The following DNAJC5B variants were observed in gnomAD, a reference collection of about 807,000 sequenced individuals.
DNAJC5B encodes DnaJ heat shock protein family (Hsp40) member C5 beta.
In DNAJC5B, 23 loss-of-function variants were observed where a neutral mutation model predicts 24.7. The ratio of observed to expected loss-of-function variants is 0.93; its 90% CI spans 0.67 to 1.32. DNAJC5B has a LOEUF of 1.32. DNAJC5B is among the 40% of genes most tolerant of loss of function. DNAJC5B has a pLI of 0.00. For synonymous variants in DNAJC5B, 101 were observed against 90.1 expected, an observed-to-expected ratio of 1.12 and a Z score of -0.68; for missense variants, 238 against 240.8, an observed-to-expected ratio of 0.99 and a Z score of 0.08.
At chr8:66,041,318 A>G (rs570679827) in intron 1 of DNAJC5B, among the ~76,000 whole-genome samples, 1 of 152,364 alleles carries the variant, frequency 6.6e-6, no homozygotes, top group South Asian at 2.1e-4. Context: ...TTTAAAAGAA[A>G]GACTATGTAA....
intron 2 of DNAJC5B, among the ~76,000 whole-genome samples, chr8:66,048,196 A>C (rs1806765332): frequency 6.6e-6 from 1 of 152,094 alleles, no homozygotes; most frequent in African/African-American, 2.4e-5. Context: ...CTACACTGTG[A>C]TTCTGGAGCT....
chr8:66,033,763 C>G (rs930647787), intron 1 of DNAJC5B, among the ~76,000 whole-genome samples: 2 of 139,258 alleles, frequency 1.4e-5, no homozygotes, highest in African/African-American at 5.4e-5. Context: ...CTTTCAAGAT[C>G]ATTCCGCTTT....
At chr8:66,095,103 A>T (rs1018555229) in intron 5 of DNAJC5B, among the ~76,000 whole-genome samples, 1 of 152,116 alleles carries the variant, frequency 6.6e-6, no homozygotes, top group African/African-American at 2.4e-5. Context: ...TATCAAGATT[A>T]TGCCTCATGA....
At chr8:66,031,574 G>A (rs58772235) in intron 1 of DNAJC5B, among the ~76,000 whole-genome samples, 8,937 of 152,272 alleles carry the variant, frequency 0.059, 895 homozygotes, top group African/African-American at 0.2. Flanking sequence ...AAAATAAGGA[G>A]TTGGCCCATG....
At chr8:66,069,784 G>A (rs778790337) in intron 3 of DNAJC5B, among the ~76,000 whole-genome samples, 2 of 152,186 alleles carry the variant, frequency 1.3e-5, no homozygotes, top group East Asian at 1.9e-4. Context: ...CAATATCCCC[G>A]ATGAACATGG....
At chr8:66,052,081 A>G (rs1352816963) in intron 3 of DNAJC5B, among the ~76,000 whole-genome samples, 1 of 151,424 alleles carries the variant, frequency 6.6e-6, no homozygotes, top group Non-Finnish European at 1.5e-5. Flanking sequence ...TCTCTGCCTC[A>G]GCCTCCTGAG....
At position 66,075,219 on chromosome 8, in the gene DNAJC5B, A is replaced by G. The variant is rs118076498; in HGVS notation, c.120-1441A>G. Among the ~76,000 whole-genome samples, 1,328 of 152,230 alleles carry G rather than the reference A, an allele frequency of 8.7e-3. 11 individuals carry two copies. The highest frequency in any genetic ancestry group is 0.013 in the Non-Finnish European group (858 of 67,998). ...GTAGATGGGATTACAGGTATGTGCC[A>G]CCACACCTGGCTAATTAGTAGAGAT... is the stretch of plus-strand genomic sequence containing the variant. On this transcript the variant is annotated intron_variant, in intron 3 of 5. Coordinates refer to ENST00000276570, the MANE Select transcript of DNAJC5B (RefSeq NM_033105.6).
At chr8:66,067,406 G>A (rs909857261) in intron 3 of DNAJC5B, among the ~76,000 whole-genome samples, 14 of 152,154 alleles carry the variant, frequency 9.2e-5, no homozygotes, top group African/African-American at 3.4e-4. Flanking sequence ...CTGTAATCCA[G>A]GAGAAAGGGT....
intron 3 of DNAJC5B, among the ~76,000 whole-genome samples, chr8:66,064,792 G>A (rs114461274): frequency 0.043 from 6,514 of 152,184 alleles, 462 homozygotes; most frequent in African/African-American, 0.15. Context: ...CAGAAGTTCA[G>A]GTCCTCATCC....
intron 3 of DNAJC5B, among the ~76,000 whole-genome samples, chr8:66,059,518 A>G (rs1357606797): frequency 6.6e-6 from 1 of 152,156 alleles, no homozygotes; most frequent in Non-Finnish European, 1.5e-5. Flanking sequence ...GGACAGTGGG[A>G]TGATTGAACA....
At chr8:66,067,366 G>T (rs1307222748) in intron 3 of DNAJC5B, among the ~76,000 whole-genome samples, 1 of 152,084 alleles carries the variant, frequency 6.6e-6, no homozygotes, top group Non-Finnish European at 1.5e-5. Flanking sequence ...AAGGATGAAG[G>T]TCCTGCAATT....
intron 2 of DNAJC5B, among the ~76,000 whole-genome samples, chr8:66,046,932 G>A (rs1178105993): frequency 6.6e-6 from 1 of 152,242 alleles, no homozygotes; most frequent in Non-Finnish European, 1.5e-5. Context: ...AGCTATCCTT[G>A]GATGAAGACC....
rs377223585 is a variant in DNAJC5B at position 66,043,104 on chromosome 8, G to T, written c.-141-384G>T. ...ACCTCAGTCAGTACTGTGACTCAAT[G>T]CCTCTTAACTAGGCGAGGGTTAAAT... On this transcript the variant is annotated intron_variant, in intron 1 of 5. Coordinates refer to ENST00000276570, the MANE Select transcript of DNAJC5B (RefSeq NM_033105.6). Among the ~76,000 whole-genome samples the T allele has an allele frequency of 8.5e-5, 13 of 152,306 alleles. No individual in the cohort carries two copies. In the South Asian group the frequency reaches 2.7e-3, roughly 32 times the overall value.
intron 3 of DNAJC5B, among the ~76,000 whole-genome samples, chr8:66,066,405 G>A (rs529498690): frequency 6.2e-4 from 95 of 152,252 alleles, no homozygotes; most frequent in South Asian, 2.5e-3. Context: ...AAAGAACACA[G>A]TATATCAAAA....
chr8:66,038,838 T>C (rs1234279407), intron 1 of DNAJC5B, among the ~76,000 whole-genome samples: 1 of 152,192 alleles, frequency 6.6e-6, no homozygotes, highest in African/African-American at 2.4e-5. Context: ...TTGCTTACTG[T>C]AAGTAAGCAA....
intron 5 of DNAJC5B, among the ~76,000 whole-genome samples, chr8:66,097,550 A>G (rs1270021939): frequency 6.6e-6 from 1 of 151,290 alleles, no homozygotes; most frequent in Non-Finnish European, 1.5e-5. Flanking sequence ...TTTTTTTTCA[A>G]TTATTTTCTT....
intron 1 of DNAJC5B, among the ~76,000 whole-genome samples, chr8:66,032,477 GTTC>G (rs1223940851): frequency 1.3e-5 from 2 of 152,160 alleles, no homozygotes; most frequent in Non-Finnish European, 2.9e-5. Flanking sequence ...CAACATTTCT[GTTC>G]TTCTCACCAC....
At chr8:66,066,743 G>A (rs1432202019) in intron 3 of DNAJC5B, among the ~76,000 whole-genome samples, 1 of 152,016 alleles carries the variant, frequency 6.6e-6, no homozygotes, top group Non-Finnish European at 1.5e-5. Flanking sequence ...AGAAGGGGGT[G>A]AAGGATAAAA....
At chr8:66,067,926 A>G (rs897440180) in intron 3 of DNAJC5B, among the ~76,000 whole-genome samples, 4 of 152,216 alleles carry the variant, frequency 2.6e-5, no homozygotes, top group African/African-American at 9.6e-5. Flanking sequence ...TAAACTTTAA[A>G]CTTTATGTAG....
Sources: gnomAD v4.1 joint callset for allele counts (sites outside exome capture counted in the v4.1 genomes callset) on GRCh38, gnomAD v4.1.1 for gene constraint, MANE v1.5 for transcripts, NCBI Gene and HGNC (gene_info 2026-07-23, HGNC 2026-07-21) for gene names.